Variants in CHD2 observed in about 807,000 individuals in gnomAD.
CHD2 encodes the protein chromodomain helicase DNA binding protein 2.
Under a neutral mutation model 243.9 loss-of-function variants are expected in CHD2, and 28 were observed. The ratio of observed to expected loss-of-function variants is 0.11; its 90% confidence interval spans 0.09 to 0.16. The LOEUF is 0.16. CHD2 is among the 10% of genes least tolerant of loss of function. The pLI is 1.00. For missense variants in CHD2, 1,386 were observed against 2,209.8 expected, an observed-to-expected ratio of 0.63 and a Z score of 7.47; for synonymous variants, 775 against 779.0, an observed-to-expected ratio of 0.99 and a Z score of 0.09.
chr15:92,920,151 T>C (rs2052927012), intron 2 of CHD2, among the ~76,000 whole-genome samples: 1 of 152,192 alleles, frequency 6.6e-6, no homozygotes, highest in Admixed American at 6.5e-5. Flanking sequence ...AACGGCTTTT[T>C]TTTTTCCCCA....
intron 38 of CHD2, among the ~76,000 whole-genome samples, 195 bp from the exon 39 acceptor site, chr15:93,024,177 A>G (rs1256137974): frequency 6.6e-6 from 1 of 152,164 alleles, no homozygotes; most frequent in African/African-American, 2.4e-5. Flanking sequence ...GTCACTGCAC[A>G]CTTGAGCCTT....
intron 2 of CHD2, chr15:92,905,006 C>G: frequency 1.3e-6 from 2 of 1,535,740 alleles, no homozygotes; most frequent in Non-Finnish European, 1.7e-6. Context: ...GAGAAAAACT[C>G]AGGTCAGTAT....
At chr15:92,909,968 GTATGTATA>G (rs1567119449) in intron 2 of CHD2, among the ~76,000 whole-genome samples, 1 of 148,626 alleles carries the variant, frequency 6.7e-6, no homozygotes, top group Non-Finnish European at 1.5e-5. Context: ...GTGTGTGTGT[GTATGTATA>G]TATGTATATA....
At chr15:92,961,024 G>A (rs2053681187) in intron 16 of CHD2, among the ~76,000 whole-genome samples, 1 of 151,910 alleles carries the variant, frequency 6.6e-6, no homozygotes, top group Non-Finnish European at 1.5e-5. Context: ...GTGCCTGGCC[G>A]CATTTGTGTT....
rs937962317 is a variant in CHD2 at position 92,998,543 on chromosome 15, A to G, written c.3930A>G (p.Leu1310=). 1.9e-6 allele frequency: 3 copies of G among 1,613,912 alleles called. No homozygotes were observed. Among genetic ancestry groups the G allele is most frequent in the Non-Finnish European group, 2.5e-6 (3 of 1,179,990 alleles). The change falls in exon 31 of 39, where the codon CTA becomes CTG. Residue 1310 remains leucine, a synonymous_variant. Coordinates refer to ENST00000394196, the MANE Select transcript of CHD2 (RefSeq NM_001271.4). This position sits in a 1 kb window ranked among gnomAD's most constrained non-coding sequence, Gnocchi z 5.1. ...ETDKKPQGKQ[L]QTRADYLLKL... is the part of the protein sequence containing the mutation. ...ATAAAAAGCCTCAGGGGAAGCAGCT[A>G]CAGACCCGAGCGGATTACTTGTTGA...
At chr15:92,980,636 G>T (rs2053967579) in intron 22 of CHD2, among the ~76,000 whole-genome samples, 179 bp from the exon 23 acceptor site, 1 of 152,170 alleles carries the variant, frequency 6.6e-6, no homozygotes, top group Non-Finnish European at 1.5e-5. Flanking sequence ...CTGGTTTAGG[G>T]TTACCATCAC....
intron 2 of CHD2, among the ~76,000 whole-genome samples, chr15:92,916,905 A>T (rs1431263168): frequency 1.3e-5 from 2 of 152,218 alleles, no homozygotes; most frequent in Admixed American, 1.3e-4. Flanking sequence ...TTTAATACTA[A>T]GAGACTTTAA....
intron 17 of CHD2, among the ~76,000 whole-genome samples, chr15:92,969,948 A>G (rs188684989): frequency 5.4e-4 from 81 of 150,104 alleles, no homozygotes; most frequent in Admixed American, 3.9e-3. Flanking sequence ...TTTTAAGGTT[A>G]TATACCACAA....
In CHD2 at chr15:93,000,755, T is replaced by C. The variant is rs1407477416; in HGVS notation, c.4137+115T>C. 9.5e-6 allele frequency: 11 copies of C among 1,156,176 alleles called. No homozygotes were observed. In the East Asian group the frequency reaches 2.7e-4, roughly 28 times the overall value. 71.6% of individuals were successfully genotyped at this position (1,156,176 alleles called of 1,614,324 possible). ...GGTTTACGAGTGGATTAAATGGAAA[T>C]AGAATATGTAAGTCTTCGCTTAATC... is the stretch of plus-strand genomic sequence containing the variant. On this transcript the variant is annotated intron_variant, in intron 32 of 38. Transcript: ENST00000394196.
At chr15:92,975,171 A>C (rs987405460) in intron 20 of CHD2, among the ~76,000 whole-genome samples, 2 of 152,210 alleles carry the variant, frequency 1.3e-5, no homozygotes, top group African/African-American at 2.4e-5. Context: ...TTGACAACAG[A>C]GTGGTTCTCC....
intron 2 of CHD2, among the ~76,000 whole-genome samples, chr15:92,911,248 C>G (rs2052729180): frequency 6.6e-6 from 1 of 152,102 alleles, no homozygotes; most frequent in Admixed American, 6.5e-5. Context: ...GAATCTAGAA[C>G]TTGTTCTGAT....
chr15:92,934,421 T>C (rs901509230), intron 5 of CHD2, among the ~76,000 whole-genome samples: 207 of 115,592 alleles, frequency 1.8e-3, no homozygotes, highest in Middle Eastern at 3.8e-3. Context: ...TTTTACAGTA[T>C]CTAGGGGGGA....
At chr15:92,981,687 A>G (rs2053982620) in intron 24 of CHD2, among the ~76,000 whole-genome samples, 1 of 152,212 alleles carries the variant, frequency 6.6e-6, no homozygotes, top group African/African-American at 2.4e-5. Flanking sequence ...TGTGTGGCGG[A>G]AAAGAAATCA....
intron 17 of CHD2, among the ~76,000 whole-genome samples, chr15:92,969,974 T>G (rs1218652771): frequency 6.6e-6 from 1 of 152,106 alleles, no homozygotes; most frequent in Admixed American, 6.5e-5. Context: ...GGAAAAGAGT[T>G]TTAAAGTACT....
chr15:92,929,793 G>A (rs1449055267), intron 5 of CHD2, among the ~76,000 whole-genome samples: 10 of 152,054 alleles, frequency 6.6e-5, no homozygotes, highest in Non-Finnish European at 1.0e-4. Context: ...GGGTTCTCAT[G>A]TTAAACAGTT....
Position 92,941,958 on chromosome 15 carries a change from A to G in CHD2, c.826+3A>G. 1.2e-6 allele frequency: 2 copies of G among 1,611,390 alleles called. No individual in the cohort carries two copies. The highest frequency in any genetic ancestry group is 1.1e-5 in the South Asian group (1 of 90,596). ...TTCAAGACTGGGAAAGAAAGGAGGT[A>G]TGTGTATTTGGGGAGCAAATTACAT... On this transcript the variant is annotated splice_donor_region_variant and intron_variant, in intron 8 of 38. Coordinates refer to ENST00000394196, the MANE Select transcript of CHD2 (RefSeq NM_001271.4).
Position 93,004,799 on chromosome 15 carries a change from G to C in CHD2, c.4413+48G>C, listed in dbSNP as rs753318248. On this transcript the variant is annotated intron_variant, in intron 34 of 38. Coordinates refer to ENST00000394196, the MANE Select transcript of CHD2 (RefSeq NM_001271.4). Reference sequence around the variant, plus strand: ...GCCAGTGTCTGCAGCCGCGGTACTTGCTGTGGCTCTGCCTTTTATAGGTCC... The same window carrying C: ...GCCAGTGTCTGCAGCCGCGGTACTTCCTGTGGCTCTGCCTTTTATAGGTCC... 5 of 1,588,388 alleles carry C rather than the reference G, an allele frequency of 3.1e-6. No homozygotes were observed. In the Admixed American group the frequency reaches 8.6e-5, roughly 27 times the overall value.
intron 14 of CHD2, 111 bp downstream of exon 14, chr15:92,953,684 C>T: frequency 1.0e-6 from 1 of 959,796 alleles, no homozygotes; most frequent in Non-Finnish European, 1.6e-6. Flanking sequence ...TATTCTGATA[C>T]TGTGCTGTGT....
chr15:92,987,781 T>G (rs527494090), intron 26 of CHD2, among the ~76,000 whole-genome samples: 240 of 152,028 alleles, frequency 1.6e-3, no homozygotes, highest in African/African-American at 4.8e-3. Context: ...ATGTTTTTTT[T>G]GTTTATTTCC....
Sources: allele counts gnomAD v4.1 joint callset (sites outside exome capture counted in the v4.1 genomes callset), GRCh38; gene constraint gnomAD v4.1.1; non-coding constraint Gnocchi (gnomAD v3.1); transcripts MANE v1.5; gene names NCBI Gene and HGNC (gene_info 2026-07-23, HGNC 2026-07-21).